PCTP: variants seen among roughly 807,000 people sequenced by gnomAD.
PCTP encodes phosphatidylcholine transfer protein.
PCTP carries 27 observed loss-of-function variants against 31.0 expected under a neutral mutation model. That is an observed-to-expected ratio of 0.87 (90% CI 0.64 to 1.20). The LOEUF is 1.20. PCTP is among the 50% of genes most tolerant of loss of function. The pLI is 0.00. For missense variants in PCTP, 287 were observed against 268.2 expected (o/e 1.07, Z -0.49); for synonymous variants, 108 against 101.2 (o/e 1.07, Z -0.40).
chr17:55,751,610 G>A (rs1377172992), intron 1 of PCTP: 11 of 926,752 alleles, frequency 1.2e-5, no homozygotes, highest in Non-Finnish European at 1.6e-5. Flanking sequence ...GGCATATGGG[G>A]GCTGGGGTGG....
In PCTP at chr17:55,835,082, A is replaced by G. The variant is rs190126591; in HGVS notation, n.506-7645A>G. Reference sequence around the variant, plus strand: ...GACAATTATGGGAAGTTGAAGGTAGAGCTTGGAGTGATGCTGCCACAAGCT... The same window carrying G: ...GACAATTATGGGAAGTTGAAGGTAGGGCTTGGAGTGATGCTGCCACAAGCT... On this transcript the variant is annotated intron_variant and non_coding_transcript_variant, in intron 5 of 5. Coordinates refer to the PCTP transcript ENST00000576221. Among the ~76,000 whole-genome samples the G allele has an allele frequency of 3.3e-5, 5 of 152,268 alleles. No individual in the cohort carries two copies. In the East Asian group the frequency reaches 9.6e-4, roughly 29 times the overall value.
intron 2 of PCTP, among the ~76,000 whole-genome samples, chr17:55,783,287 G>T (rs1043056144): frequency 6.6e-6 from 1 of 152,124 alleles, no homozygotes; most frequent in African/African-American, 2.4e-5. Context: ...TGATATTACT[G>T]ATGTAACTTA....
chr17:55,795,187 G>T (rs1428772253), intron 3 of PCTP, among the ~76,000 whole-genome samples: 1 of 151,968 alleles, frequency 6.6e-6, no homozygotes, highest in Non-Finnish European at 1.5e-5. Context: ...CGCATTTAAT[G>T]GTGTTTATTT....
intron 5 of PCTP, among the ~76,000 whole-genome samples, chr17:55,833,361 A>C (rs1254594397): frequency 6.6e-6 from 1 of 152,238 alleles, no homozygotes; most frequent in Non-Finnish European, 1.5e-5. Context: ...CAATCTGCAA[A>C]GAAACTTAAA....
intron 5 of PCTP, among the ~76,000 whole-genome samples, chr17:55,836,486 T>C (rs1168577612): frequency 1.3e-5 from 2 of 152,208 alleles, no homozygotes; most frequent in African/African-American, 4.8e-5. Context: ...GCCTTATCTA[T>C]CTCTTTGAAG....
At chr17:55,757,670 A>G (rs1910116537) in intron 1 of PCTP, among the ~76,000 whole-genome samples, 1 of 151,732 alleles carries the variant, frequency 6.6e-6, no homozygotes, top group Non-Finnish European at 1.5e-5. Flanking sequence ...ATAGATAGAT[A>G]CTCTTCTTTT....
chr17:55,800,657 T>C (rs1912343859), intron 3 of PCTP, among the ~76,000 whole-genome samples: 1 of 152,074 alleles, frequency 6.6e-6, no homozygotes, highest in Non-Finnish European at 1.5e-5. Context: ...GAAGAGGCAT[T>C]CTTTGTAATA....
At chr17:55,812,998 G>T (rs1233643375) in intron 3 of PCTP, among the ~76,000 whole-genome samples, 1 of 152,124 alleles carries the variant, frequency 6.6e-6, no homozygotes, top group Non-Finnish European at 1.5e-5. Context: ...CTGGAAATGG[G>T]AGCTGCTCCC....
chr17:55,753,319 A>G (rs189020564), intron 1 of PCTP, among the ~76,000 whole-genome samples: 1 of 152,318 alleles, frequency 6.6e-6, no homozygotes, highest in East Asian at 1.9e-4. Context: ...AGAAGCAGTG[A>G]TCTTATCACT....
chr17:55,851,748 C>A, the PCTP span, among the ~76,000 whole-genome samples: 1 of 152,004 alleles, frequency 6.6e-6, no homozygotes, highest in Non-Finnish European at 1.5e-5. Context: ...AATATTTTAA[C>A]CACACTAAAT....
chr17:55,786,995 A>G (rs1911769674), intron 2 of PCTP, among the ~76,000 whole-genome samples: 1 of 151,356 alleles, frequency 6.6e-6, no homozygotes, highest in South Asian at 2.1e-4. Flanking sequence ...ATATGTGTGT[A>G]TGTGTGTGCT....
chr17:55,770,950 CT>C (rs976618577), intron 2 of PCTP, 155 bp from the exon 3 acceptor site: 16 of 559,508 alleles, frequency 2.9e-5, no homozygotes, highest in African/African-American at 2.7e-4. Context: ...CCAGGCTGGT[CT>C]TGAACTCCTG....
At chr17:55,752,547 C>T (rs1039200410) in intron 1 of PCTP, among the ~76,000 whole-genome samples, 2 of 152,168 alleles carry the variant, frequency 1.3e-5, no homozygotes, top group African/African-American at 2.4e-5. Flanking sequence ...GAAGAAATTT[C>T]CTGTCTAAAT....
downstream of PCTP, among the ~76,000 whole-genome samples, chr17:55,823,978 G>A (rs1047121270): frequency 1.8e-4 from 28 of 152,252 alleles, no homozygotes; most frequent in African/African-American, 6.3e-4. Flanking sequence ...GGCCCCAGAT[G>A]TCTGAGGGAC....
chr17:55,850,957 A>G, the PCTP span, among the ~76,000 whole-genome samples: 1 of 152,166 alleles, frequency 6.6e-6, no homozygotes. Flanking sequence ...AATACGAACC[A>G]CTGTCTCTCA....
chr17:55,787,689 T>C (rs1480098298), intron 3 of PCTP: 1 of 152,200 alleles, frequency 6.6e-6, no homozygotes, highest in Non-Finnish European at 1.5e-5. Flanking sequence ...AATATGTGTA[T>C]GTTTTTATAG....
chr17:55,811,361 A>G (rs1417354129), intron 3 of PCTP, among the ~76,000 whole-genome samples: 1 of 152,180 alleles, frequency 6.6e-6, no homozygotes, highest in Non-Finnish European at 1.5e-5. Context: ...TTCACATATT[A>G]TCTCATTTAA....
intron 3 of PCTP, among the ~76,000 whole-genome samples, chr17:55,803,815 C>T (rs12944790): frequency 0.14 from 21,134 of 151,180 alleles, 1,531 homozygotes; most frequent in Middle Eastern, 0.19. Flanking sequence ...GGCTTCATGA[C>T]TAAAACACCA....
chr17:55,773,005 G>A (rs565529954), intron 3 of PCTP, among the ~76,000 whole-genome samples: 3 of 152,302 alleles, frequency 2.0e-5, no homozygotes, highest in African/African-American at 4.8e-5. Context: ...AGTGATTCCT[G>A]TTGTTTCATA....
Sources: allele counts gnomAD v4.1 joint callset (sites outside exome capture counted in the v4.1 genomes callset), GRCh38; gene constraint gnomAD v4.1.1; transcripts MANE v1.5; gene names NCBI Gene and HGNC (gene_info 2026-07-23, HGNC 2026-07-21).